C16orf89: variants seen among roughly 807,000 people sequenced by gnomAD.
C16orf89 encodes the protein chromosome 16 open reading frame 89.
C16orf89 carries 57 observed loss-of-function variants against 41.5 expected under a neutral mutation model. The ratio of observed to expected loss-of-function variants is 1.38; its 90% CI spans 1.11 to 1.71. C16orf89 has a LOEUF of 1.71. Ranked by LOEUF, C16orf89 falls within the 40% of genes most tolerant of loss-of-function variation. The probability of loss-of-function intolerance (pLI) is 0.00; values close to 1 mark genes in which losing one functional copy is unlikely to be tolerated. For missense variants in C16orf89, 575 were observed against 445.9 expected (o/e 1.29, Z -2.61); for synonymous variants, 223 against 190.6 (o/e 1.17, Z -1.40).
intron 1 of C16orf89, among the ~76,000 whole-genome samples, chr16:5,064,746 T>G (rs1956700251): frequency 6.6e-6 from 1 of 151,990 alleles, no homozygotes; most frequent in Non-Finnish European, 1.5e-5. Flanking sequence ...GGATGTGGCG[T>G]GGGTGGAGAA....
intron 6 of C16orf89, among the ~76,000 whole-genome samples, chr16:5,049,827 A>T (rs1956364979): frequency 6.6e-6 from 1 of 152,218 alleles, no homozygotes; most frequent in South Asian, 2.1e-4. Context: ...GCCCCAAATT[A>T]GTAGAAGGAA....
intron 1 of C16orf89, 46 bp from the exon 2 acceptor site, chr16:5,062,620 C>G: frequency 6.6e-7 from 1 of 1,508,088 alleles, no homozygotes; most frequent in East Asian, 2.4e-5. Flanking sequence ...GGAATCGGGA[C>G]CTTTTTTTGC....
chr16:5,044,269 C>T lies in C16orf89; in HGVS notation c.*79G>A, dbSNP rs1956252249. 1 of 1,483,860 alleles carries T rather than the reference C, an allele frequency of 6.7e-7. No homozygotes were observed. The highest frequency in any genetic ancestry group is 8.9e-7 in the Non-Finnish European group (1 of 1,120,304). 91.9% of individuals were successfully genotyped at this position (1,483,860 alleles called of 1,614,324 possible). A position where few individuals can be genotyped will look rare whatever the true frequency, so the allele number is the denominator to read the frequency against. On this transcript the variant is annotated 3_prime_UTR_variant, in exon 8 of 8. Transcript: ENST00000472572. ...AGATGCCTTCTTCCCAGGATGTGAT[C>T]CGTGCCCTCCAGGATCTAAGGGATG... is the stretch of plus-strand genomic sequence containing the variant.
chr16:5,055,416 G>T, intron 5 of C16orf89, 66 bp from the exon 6 acceptor site: 1 of 1,396,200 alleles, frequency 7.2e-7, no homozygotes, highest in Non-Finnish European at 9.9e-7. Context: ...CACTCCCCAG[G>T]GCTGCCACGG....
Position 5,048,610 on chromosome 16 carries a change from G to A in C16orf89, c.869-646C>T, listed in dbSNP as rs144908951. Among the ~76,000 whole-genome samples, 277 of 152,166 alleles carry A rather than the reference G, an allele frequency of 1.8e-3. 2 individuals are homozygous for A. Among genetic ancestry groups the A allele is most frequent in the African/African-American group, 6.0e-3 (250 of 41,494 alleles). On this transcript the variant is annotated intron_variant, in intron 6 of 7. Coordinates refer to ENST00000472572, the MANE Select transcript of C16orf89 (RefSeq NM_001098514.3). ...GAGGGATTTCATTACCACTAGACTG[G>A]CCTTACAAGAAGTGCTCAAGGGAAT...
intron 1 of C16orf89, among the ~76,000 whole-genome samples, chr16:5,063,855 G>A (rs1227631585): frequency 6.6e-6 from 1 of 152,144 alleles, no homozygotes; most frequent in Non-Finnish European, 1.5e-5. Context: ...GGCTGGGCAC[G>A]GTGGCTCACG....
Position 5,062,411 on chromosome 16 carries a change from C to T in C16orf89, c.358+14G>A, listed in dbSNP as rs1956644334. On this transcript the variant is annotated intron_variant, in intron 2 of 7. Coordinates refer to ENST00000472572, the MANE Select transcript of C16orf89 (RefSeq NM_001098514.3). ...GCTATTCCTGAGGGAATGGGACACC[C>T]TGCGTGTGCTCACCTCTTAGGTACT... is the stretch of plus-strand genomic sequence containing the variant. 1.9e-6 allele frequency: 3 copies of T among 1,605,480 alleles called. No individual in the cohort carries two copies. The highest frequency in any genetic ancestry group is 1.3e-5 in the African/African-American group (1 of 74,564).
intron 3 of C16orf89, 56 bp from the exon 4 acceptor site, chr16:5,058,666 C>A: frequency 1.4e-6 from 2 of 1,398,316 alleles, no homozygotes; most frequent in South Asian, 2.5e-5. Context: ...TGCCCTGCGT[C>A]TTCCCAGCCC....
rs57938915 is a variant in C16orf89, at chr16:5,044,700, C to T, written c.956-222G>A. Reference sequence around the variant, plus strand: ...CTACTAAAAAAATATAAAAATTAGCCAGGTATGGTGGCACGCTCCTGTAGT... The same window carrying T: ...CTACTAAAAAAATATAAAAATTAGCTAGGTATGGTGGCACGCTCCTGTAGT... On this transcript the variant is annotated intron_variant, in intron 7 of 7. Coordinates refer to ENST00000472572, the MANE Select transcript of C16orf89 (RefSeq NM_001098514.3). 806 of 1,057,626 alleles carry T rather than the reference C, an allele frequency of 7.6e-4. 10 individuals are homozygous for T. The African/African-American group carries it at 0.012, about 16-fold the overall frequency. 65.5% of individuals were successfully genotyped at this position (1,057,626 alleles called of 1,614,324 possible). A position where few individuals can be genotyped will look rare whatever the true frequency, so the allele number is the denominator to read the frequency against.
At chr16:5,060,772 G>A (rs1444399085) in intron 2 of C16orf89, among the ~76,000 whole-genome samples, 2 of 152,012 alleles carry the variant, frequency 1.3e-5, no homozygotes. Flanking sequence ...GGCTAAGGAA[G>A]GAAGATCGCT....
intron 2 of C16orf89, among the ~76,000 whole-genome samples, chr16:5,061,784 TC>T (rs1956632564): frequency 6.6e-6 from 1 of 152,070 alleles, no homozygotes. Flanking sequence ...CCCCCATGCA[TC>T]TGATGGGAGT....
At position 5,058,580 on chromosome 16, in the gene C16orf89, T is replaced by G. The variant is rs1956556742; in HGVS notation, c.540A>C (p.Ser180=). 1.9e-6 allele frequency: 3 copies of G among 1,612,384 alleles called. No homozygotes were observed. Among genetic ancestry groups the G allele is most frequent in the Non-Finnish European group, 2.5e-6 (3 of 1,179,826 alleles). Reference sequence around the variant, plus strand: ...TGGTCATGAGGCTCCTGCAGAGGTCTGAGAGGCCGCAGGGCTCGCTGCTGT... The same window carrying G: ...TGGTCATGAGGCTCCTGCAGAGGTCGGAGAGGCCGCAGGGCTCGCTGCTGT... ...GTDSSEPCGL[S]DLCRSLMTKP... is the part of the protein sequence containing the mutation. Residue 180 remains serine, a synonymous_variant, in exon 4 of 8, where the codon TCA becomes TCC. Coordinates refer to ENST00000472572, the MANE Select transcript of C16orf89 (RefSeq NM_001098514.3).
At chr16:5,059,842 A>G (rs1339640102) in intron 3 of C16orf89, among the ~76,000 whole-genome samples, 1 of 140,784 alleles carries the variant, frequency 7.1e-6, no homozygotes, top group Non-Finnish European at 1.5e-5. Context: ...CAGAGATAGG[A>G]TGGGGTTGGA....
chr16:5,065,805 A>G lies in C16orf89; in HGVS notation c.104T>C (p.Ile35Thr). 3 of 1,614,114 alleles carry G rather than the reference A, an allele frequency of 1.9e-6. No individual in the cohort carries two copies. The highest frequency in any genetic ancestry group is 2.5e-6 in the Non-Finnish European group (3 of 1,179,904). The change falls in exon 1 of 8, where the codon ATT becomes ACT. Residue 35 changes from isoleucine (I) to threonine (T), a missense_variant. Transcript: ENST00000472572. Reference sequence around the variant, plus strand: ...CAGCGCAGACAGGATCAGGTCTGCAATGGTGGCTTTACTTTCAGCAGTGTC... The same window carrying G: ...CAGCGCAGACAGGATCAGGTCTGCAGTGGTGGCTTTACTTTCAGCAGTGTC... ...GLDTAESKAT[I>T]ADLILSALER...
At chr16:5,062,767 A>G (rs1956655471) in intron 1 of C16orf89, among the ~76,000 whole-genome samples, 193 bp from the exon 2 acceptor site, 1 of 152,032 alleles carries the variant, frequency 6.6e-6, no homozygotes, top group Non-Finnish European at 1.5e-5. Flanking sequence ...GGGCAATGAG[A>G]ATGGGTGTCA....
At chr16:5,052,654 G>A (rs1309975422) in intron 6 of C16orf89, among the ~76,000 whole-genome samples, 3 of 152,008 alleles carry the variant, frequency 2.0e-5, no homozygotes, top group Non-Finnish European at 2.9e-5. Flanking sequence ...TGAAGAGAAA[G>A]GGGAACTCTT....
chr16:5,044,826 A>G, intron 7 of C16orf89: 1 of 1,240,866 alleles, frequency 8.1e-7, no homozygotes, highest in East Asian at 5.8e-5. Flanking sequence ...CCTGAGCAAC[A>G]GAGCGAGAAT....
At chr16:5,053,796 C>T (rs1321488297) in intron 6 of C16orf89, among the ~76,000 whole-genome samples, 2 of 152,182 alleles carry the variant, frequency 1.3e-5, no homozygotes, top group South Asian at 2.1e-4. Flanking sequence ...ATCTGCCTGC[C>T]TTGGCCTCCC....
At chr16:5,051,091 A>G (rs1020420391) in intron 6 of C16orf89, among the ~76,000 whole-genome samples, 6 of 152,226 alleles carry the variant, frequency 3.9e-5, no homozygotes, top group Admixed American at 6.5e-5. Context: ...CCCACAGCCA[A>G]CATTACACTG....
Sources: allele counts gnomAD v4.1 joint callset (sites outside exome capture counted in the v4.1 genomes callset), GRCh38; gene constraint gnomAD v4.1.1; transcripts MANE v1.5; gene names NCBI Gene and HGNC (gene_info 2026-07-23, HGNC 2026-07-21).